The following TBL2 variants were observed in gnomAD, a reference collection of about 807,000 sequenced individuals.
TBL2 encodes transducin beta-like protein 2.
TBL2 carries 33 observed loss-of-function variants against 41.8 expected under a neutral mutation model. That is an observed-to-expected ratio of 0.79 (90% CI 0.60 to 1.06). The LOEUF (loss-of-function observed/expected upper bound fraction) is 1.06. TBL2 is among the 50% of genes least tolerant of loss of function. The pLI, the probability that TBL2 is intolerant of heterozygous loss-of-function variation, is 0.00. For missense variants in TBL2, 522 were observed against 603.8 expected (o/e 0.86, Z 1.42); for synonymous variants, 239 against 241.7 (o/e 0.99, Z 0.10).
Position 73,574,127 on chromosome 7 carries a change from G to A in TBL2, c.262-5C>T, listed in dbSNP as rs576843079. 2.5e-6 allele frequency: 4 copies of A among 1,613,650 alleles called. No individual in the cohort carries two copies. In the South Asian group the frequency reaches 4.4e-5, roughly 18 times the overall value. On this transcript the variant is annotated splice_polypyrimidine_tract_variant and splice_region_variant and intron_variant, in intron 2 of 6. Transcript: ENST00000305632. ...AGATATGTTCCCGCTGTGGCTCTAG[G>A]GGAAGGGTGGCAGGAAGTGTCAATA...
At position 73,571,501 on chromosome 7, in the gene TBL2, C is replaced by T. The variant is rs782733137; in HGVS notation, c.726-160G>A. On this transcript the variant is annotated intron_variant, in intron 5 of 6. Coordinates refer to ENST00000305632, the MANE Select transcript of TBL2 (RefSeq NM_012453.4). ...GCCGGGCGCGGTGGCTCACGCCTGT[C>T]ATCCCAGCACTTTGGGAGGCCGAGG... 57 of 964,454 alleles carry T rather than the reference C, an allele frequency of 5.9e-5. 1 individual carries two copies. The highest frequency in any genetic ancestry group is 5.7e-4 in the Middle Eastern group (2 of 3,530). 59.7% of individuals were successfully genotyped at this position (964,454 alleles called of 1,614,324 possible).
At position 73,569,124 on chromosome 7, in the gene TBL2, C is replaced by T. The variant is rs1487528887; in HGVS notation, c.*1383G>A. The T allele has an allele frequency of 2.6e-5, 4 of 152,092 alleles. No homozygotes were observed. Among genetic ancestry groups the T allele is most frequent in the African/African-American group, 9.7e-5 (4 of 41,390 alleles). 9.4% of individuals were successfully genotyped at this position (152,092 alleles called of 1,614,324 possible). Reference sequence around the variant, plus strand: ...CCATTAGGAAGCCATATTATAGTGGCCCACTAGGTGACAGTAGCCAGGACC... The same window carrying T: ...CCATTAGGAAGCCATATTATAGTGGTCCACTAGGTGACAGTAGCCAGGACC... On this transcript the variant is annotated 3_prime_UTR_variant, in exon 7 of 7. Coordinates refer to ENST00000305632, the MANE Select transcript of TBL2 (RefSeq NM_012453.4).
In TBL2 at chr7:73,570,169, G is replaced by A. The variant is rs970971926; in HGVS notation, c.*338C>T. 1 of 231,236 alleles carries A rather than the reference G, an allele frequency of 4.3e-6. No individual in the cohort carries two copies. Among genetic ancestry groups the A allele is most frequent in the Non-Finnish European group, 8.4e-6 (1 of 118,388 alleles). The allele number at this position is 231,236 out of a possible 1,614,324, so 14.3% of individuals were successfully genotyped here. The stretch of plus-strand genomic sequence containing the variant: ...TCTGGAACATTTACAAACTTCTTTG[G>A]GTGTGAGGATGTGCTGCCACAAGGC... On this transcript the variant is annotated 3_prime_UTR_variant, in exon 7 of 7. Transcript: ENST00000305632.
In TBL2 at chr7:73,578,400, C is replaced by A; in HGVS notation, c.130+20G>T. On this transcript the variant is annotated intron_variant, in intron 1 of 6. Coordinates refer to ENST00000305632, the MANE Select transcript of TBL2 (RefSeq NM_012453.4). ...GCCGGGACACCGCGGGCCGCCCCCACCCGACCCGGCCCCACTTACAGGCGG... is the reference window on the plus strand; with the variant it reads ...GCCGGGACACCGCGGGCCGCCCCCAACCGACCCGGCCCCACTTACAGGCGG... The A allele has an allele frequency of 2.0e-6, 3 of 1,523,266 alleles. No homozygotes were observed. Among genetic ancestry groups the A allele is most frequent in the Non-Finnish European group, 2.6e-6 (3 of 1,136,660 alleles). 94.4% of individuals were successfully genotyped at this position (1,523,266 alleles called of 1,614,324 possible). A position where few individuals can be genotyped will look rare whatever the true frequency, so the allele number is the denominator to read the frequency against.
At chr7:73,573,879 AAGGCCAAAGCCTGGGACTAGGCCTCTG>A in intron 3 of TBL2, 32 bp downstream of exon 3, 2 of 1,584,466 alleles carry the variant, frequency 1.3e-6, no homozygotes, top group Non-Finnish European at 1.7e-6. Flanking sequence ...CAGATATGGG[AAGGCCAAAGCCTGGGACTAGGCCTCTG>A]CAGGCAAACC....
intron 5 of TBL2, 21 bp from the exon 6 acceptor site, chr7:73,571,362 C>T: frequency 6.2e-7 from 1 of 1,613,696 alleles, no homozygotes. Context: ...ACCCAGAAGC[C>T]TTTAAAACTT....
intron 4 of TBL2, 103 bp from the exon 5 acceptor site, chr7:73,573,073 C>T (rs1437995232): frequency 6.5e-7 from 1 of 1,529,128 alleles, no homozygotes; most frequent in Non-Finnish European, 8.9e-7. Flanking sequence ...ATACATGTCT[C>T]CTCCCAGGCC....
At chr7:73,573,292 C>T in intron 4 of TBL2, 28 bp downstream of exon 4, 1 of 1,611,792 alleles carries the variant, frequency 6.2e-7, no homozygotes, top group South Asian at 1.1e-5. Context: ...ATGCTTTGGG[C>T]AGGCGCCACC....
intron 3 of TBL2, 42 bp downstream of exon 3, chr7:73,573,896 C>G: frequency 6.2e-7 from 1 of 1,603,726 alleles, no homozygotes; most frequent in Non-Finnish European, 8.5e-7. Flanking sequence ...AAGCCTGGGA[C>G]TAGGCCTCTG....
intron 5 of TBL2, among the ~76,000 whole-genome samples, 172 bp downstream of exon 5, chr7:73,572,672 G>A (rs1040932653): frequency 2.0e-5 from 3 of 152,142 alleles, no homozygotes; most frequent in Admixed American, 6.6e-5. Flanking sequence ...GACATGGGGC[G>A]ACCTGCATGA....
rs1554589461 is a variant in TBL2 at position 73,578,401 on chromosome 7, C to T, written c.130+19G>A. 5.3e-6 allele frequency: 8 copies of T among 1,523,404 alleles called. No homozygotes were observed. The highest frequency in any genetic ancestry group is 7.0e-6 in the Non-Finnish European group (8 of 1,136,746). 94.4% of individuals were successfully genotyped at this position (1,523,404 alleles called of 1,614,324 possible). A position where few individuals can be genotyped will look rare whatever the true frequency, so the allele number is the denominator to read the frequency against. ...CCGGGACACCGCGGGCCGCCCCCACCCGACCCGGCCCCACTTACAGGCGGG... is the reference window on the plus strand; with the variant it reads ...CCGGGACACCGCGGGCCGCCCCCACTCGACCCGGCCCCACTTACAGGCGGG... On this transcript the variant is annotated intron_variant, in intron 1 of 6. Transcript: ENST00000305632.
At chr7:73,571,093 AC>A in intron 6 of TBL2, 95 bp downstream of exon 6, 1 of 1,589,436 alleles carries the variant, frequency 6.3e-7, no homozygotes, top group Non-Finnish European at 8.6e-7. Flanking sequence ...CAGGCACCCC[AC>A]CCTCTTCAGA....
intron 6 of TBL2, 105 bp downstream of exon 6, chr7:73,571,084 A>C: frequency 6.3e-7 from 1 of 1,580,994 alleles, no homozygotes; most frequent in South Asian, 1.2e-5. Flanking sequence ...GCCGAGGGCC[A>C]GGCACCCCAC....
chr7:73,578,203 G>A, intron 1 of TBL2: 2 of 1,507,864 alleles, frequency 1.3e-6, no homozygotes, highest in Non-Finnish European at 1.8e-6. Flanking sequence ...CGCAGTAAGG[G>A]GCCCAGGTTG....
intron 1 of TBL2, among the ~76,000 whole-genome samples, chr7:73,575,337 C>G (rs1793239779): frequency 6.6e-6 from 1 of 151,310 alleles, no homozygotes; most frequent in Non-Finnish European, 1.5e-5. Flanking sequence ...GTCACCCAGG[C>G]TGGAGTGCAG....
In TBL2 at chr7:73,570,528, G is replaced by C. The variant is rs1554587130; in HGVS notation, c.1323C>G (p.Ser441Arg). ...QLTQAQETLK[S>R]LGALKK ...AGAGTCACTTCTTCAGGGCACCCAG[G>C]CTCTTCAGGGTCTCTTGGGCCTGGG... The change falls in exon 7 of 7, where the codon AGC becomes AGG. Residue 441 changes from serine (S) to arginine (R), a missense_variant. Transcript: ENST00000305632. 6.3e-7 allele frequency: 1 copy of C among 1,575,992 alleles called. No individual in the cohort carries two copies. Among genetic ancestry groups the C allele is most frequent in the South Asian group, 1.2e-5 (1 of 85,432 alleles).
At position 73,571,289 on chromosome 7, in the gene TBL2, A is replaced by C; in HGVS notation, c.778T>G (p.Phe260Val). 1 of 1,614,208 alleles carries C rather than the reference A, an allele frequency of 6.2e-7. No individual in the cohort carries two copies. Among genetic ancestry groups the C allele is most frequent in the Non-Finnish European group, 8.5e-7 (1 of 1,180,034 alleles). ...TCCTGGAACTCCCCCTTCTTTCCAA[A>C]GCAGACTTCCCAAACCTTCACATCT... The part of the protein sequence containing the change: ...TPDVKVWEVC[F>V]GKKGEFQEVV... The change falls in exon 6 of 7, where the codon TTT becomes GTT. Residue 260 changes from phenylalanine to valine, a missense_variant. Transcript: ENST00000305632.
chr7:73,568,785 G>T lies in TBL2; in HGVS notation c.*1722C>A, dbSNP rs1299707526. ...CTACTAAAAATACAAAAATTAGCCA[G>T]GCGTGGTGGCACATGCCTGTAATCC... On this transcript the variant is annotated 3_prime_UTR_variant, in exon 7 of 7. Transcript: ENST00000305632. The T allele has an allele frequency of 2.0e-5, 3 of 152,168 alleles. No homozygotes were observed. The highest frequency in any genetic ancestry group is 7.2e-5 in the African/African-American group (3 of 41,430). The allele number at this position is 152,168 out of a possible 1,614,324, so 9.4% of individuals were successfully genotyped here.
chr7:73,578,477 C>T lies in TBL2; in HGVS notation c.73G>A (p.Ala25Thr). 3 of 1,576,936 alleles carry T rather than the reference C, an allele frequency of 1.9e-6. No individual in the cohort carries two copies. The South Asian group carries it at 3.5e-5, about 18-fold the overall frequency. Residue 25 changes from alanine (A) to threonine (T), a missense_variant, in exon 1 of 7, where the codon GCG becomes ACG. Physicochemically the swap from Ala to Thr is moderately conservative, Grantham distance 58. Coordinates refer to ENST00000305632, the MANE Select transcript of TBL2 (RefSeq NM_012453.4). ...CGCAGCCACCCCCGCGCTACCGCCGCCGTCGCCATCAGGGCCAGCAGCCCA... is the reference window on the plus strand; with the variant it reads ...CGCAGCCACCCCCGCGCTACCGCCGTCGTCGCCATCAGGGCCAGCAGCCCA... Reference protein sequence around the residue: ...LLGLLALMATAAVARGWLRAG... With the variant: ...LLGLLALMATTAVARGWLRAG...
Sources: allele counts gnomAD v4.1 joint callset (sites outside exome capture counted in the v4.1 genomes callset), GRCh38; gene constraint gnomAD v4.1.1; transcripts MANE v1.5; gene names NCBI Gene and HGNC (gene_info 2026-07-23, HGNC 2026-07-21).